ZNF195: variants seen among roughly 807,000 people sequenced by gnomAD.
ZNF195 encodes hypoxia-regulated factor-1.
A neutral mutation model predicts 19.5 loss-of-function variants in ZNF195; 11 were observed. The ratio of observed to expected loss-of-function variants is 0.57; its 90% CI spans 0.36 to 0.94. The LOEUF (loss-of-function observed/expected upper bound fraction) is 0.94, where lower values mean the gene tolerates loss of function less well. Ranked by LOEUF, ZNF195 falls within the 40% of genes least tolerant of loss-of-function variation. The probability of loss-of-function intolerance (pLI) is 0.01; values close to 1 mark genes in which losing one functional copy is unlikely to be tolerated. For missense variants in ZNF195, 582 were observed against 709.0 expected, an observed-to-expected ratio of 0.82 and a Z score of 2.03; for synonymous variants, 214 against 248.1, an observed-to-expected ratio of 0.86 and a Z score of 1.29.
intron 3 of ZNF195, among the ~76,000 whole-genome samples, chr11:3,370,764 G>A (rs1190195782): frequency 6.6e-6 from 1 of 152,202 alleles, no homozygotes; most frequent in East Asian, 1.9e-4. Context: ...CCTTTATAAA[G>A]GAAGATCACT....
At chr11:3,360,924 T>C in intron 4 of ZNF195, 136 bp from the exon 5 acceptor site, 3 of 724,434 alleles carry the variant, frequency 4.1e-6, no homozygotes, top group Non-Finnish European at 4.3e-6. Context: ...AAGCAAATAC[T>C]GGCACAAGTG....
chr11:3,359,493 C>G lies in ZNF195; in HGVS notation c.1515G>C (p.Gln505His). The G allele has an allele frequency of 6.2e-7, 1 of 1,614,166 alleles. No homozygotes were observed. The highest frequency in any genetic ancestry group is 8.5e-7 in the Non-Finnish European group (1 of 1,180,022). The change falls in exon 6 of 6, where the codon CAG becomes CAC. Residue 505 changes from glutamine to histidine, a missense_variant. Coordinates refer to ENST00000399602, the MANE Select transcript of ZNF195 (RefSeq NM_001130520.3). The surrounding 1 kb of genome is among the most constrained non-coding windows in gnomAD (Gnocchi z 5.5). Reference sequence around the variant, plus strand: ...TCTTATGCTTAGTGAGGTCTGATAACTGCTTAAAGATGTTGCCACATTCTT... The same window carrying G: ...TCTTATGCTTAGTGAGGTCTGATAAGTGCTTAAAGATGTTGCCACATTCTT... ...TCEECGNIFK[Q>H]LSDLTKHKKT... is the part of the protein sequence containing the mutation.
chr11:3,371,625 A>T lies in ZNF195; in HGVS notation c.82T>A (p.Leu28Met), dbSNP rs760948592. ...WKCLDLAQQN[L>M]YRDVMLENYR... ...TTCTCCAACATCACATCCCTGTACA[A>T]ATTCTGCTGAGCGAGGTCCAGGCAT... Residue 28 changes from leucine (L) to methionine (M), a missense_variant, in exon 2 of 6, where the codon TTG (leucine) becomes ATG (methionine). This residue lies in a region of ZNF195 where 46 missense variants were observed against 66.5 expected (regional missense o/e 0.69). Coordinates refer to ENST00000399602, the MANE Select transcript of ZNF195 (RefSeq NM_001130520.3). The T allele has an allele frequency of 3.7e-6, 6 of 1,614,096 alleles. No homozygotes were observed. The South Asian group carries it at 6.6e-5, about 18-fold the overall frequency.
intron 3 of ZNF195, chr11:3,367,008 T>G: frequency 2.2e-6 from 1 of 448,024 alleles, no homozygotes; most frequent in Non-Finnish European, 4.5e-6. Context: ...GAGGTTGCAG[T>G]GAGCTGAGAT....
chr11:3,377,196 A>G (rs1373356231), intron 1 of ZNF195, among the ~76,000 whole-genome samples: 1 of 152,224 alleles, frequency 6.6e-6, no homozygotes, highest in Non-Finnish European at 1.5e-5. Context: ...TTAAAAATCC[A>G]ACATTGCAGT....
intron 1 of ZNF195, among the ~76,000 whole-genome samples, chr11:3,376,366 A>C (rs1388353318): frequency 6.6e-6 from 1 of 152,196 alleles, no homozygotes; most frequent in Non-Finnish European, 1.5e-5. Flanking sequence ...AAGTCTCATA[A>C]TGTTTTAATA....
chr11:3,373,538 G>T, intron 1 of ZNF195: 2 of 1,479,612 alleles, frequency 1.4e-6, no homozygotes, highest in Non-Finnish European at 1.8e-6. Context: ...CATTTCAGGA[G>T]CAAAAGTGGA....
At chr11:3,362,615 C>T (rs1278993586) in intron 3 of ZNF195, 2 of 551,108 alleles carry the variant, frequency 3.6e-6, no homozygotes, top group East Asian at 5.9e-5. Flanking sequence ...ATAAGACACA[C>T]AAAAGAAAAT....
At chr11:3,371,834 C>G in intron 1 of ZNF195, 131 bp from the exon 2 acceptor site, 1 of 1,096,108 alleles carries the variant, frequency 9.1e-7, no homozygotes, top group Non-Finnish European at 1.3e-6. Flanking sequence ...AGAATACTCT[C>G]TAACTCTGAG....
chr11:3,358,985 C>T lies in ZNF195; in HGVS notation c.*133G>A. 8.5e-7 allele frequency: 1 copy of T among 1,182,012 alleles called. No homozygotes were observed. Among genetic ancestry groups the T allele is most frequent in the Non-Finnish European group, 1.1e-6 (1 of 906,672 alleles). 73.2% of individuals were successfully genotyped at this position (1,182,012 alleles called of 1,614,324 possible). ...GAAATACTCTTGTGTGCTCTGGAGA[C>T]TTATATTTCATGAAAGGTCTTTCAA... On this transcript the variant is annotated 3_prime_UTR_variant, in exon 6 of 6. Coordinates refer to ENST00000399602, the MANE Select transcript of ZNF195 (RefSeq NM_001130520.3).
chr11:3,368,425 CAG>C (rs1849014518), intron 3 of ZNF195, among the ~76,000 whole-genome samples: 1 of 152,138 alleles, frequency 6.6e-6, no homozygotes, highest in Non-Finnish European at 1.5e-5. Flanking sequence ...CTGGGTGACA[CAG>C]AGAGATCTCA....
At chr11:3,365,300 A>C (rs1848821732) in intron 3 of ZNF195, among the ~76,000 whole-genome samples, 1 of 152,240 alleles carries the variant, frequency 6.6e-6, no homozygotes. Context: ...TCAATTTAAC[A>C]GACATGCATA....
intron 3 of ZNF195, among the ~76,000 whole-genome samples, chr11:3,366,348 G>A (rs1164631816): frequency 1.3e-5 from 2 of 151,064 alleles, no homozygotes; most frequent in Non-Finnish European, 2.9e-5. Context: ...CAGAAAAACT[G>A]AACTACATCA....
chr11:3,359,588 C>T lies in ZNF195; in HGVS notation c.1420G>A (p.Val474Ile), dbSNP rs751311312. 14 of 1,614,122 alleles carry T rather than the reference C, an allele frequency of 8.7e-6. No individual in the cohort carries two copies. Among genetic ancestry groups the T allele is most frequent in the Non-Finnish European group, 1.2e-5 (14 of 1,180,032 alleles). ...KPYQCEECGK[V>I]FRTCSSLSNH... The stretch of plus-strand genomic sequence containing the variant: ...GAAAGGCTTGAGCAAGTTCTGAAGA[C>T]CTTCCCACATTCTTCACATTGGTAG... The change falls in exon 6 of 6, where the codon GTC becomes ATC. Residue 474 changes from valine to isoleucine, a missense_variant. By Grantham distance (29) the Val-to-Ile change is conservative. Coordinates refer to ENST00000399602, the MANE Select transcript of ZNF195 (RefSeq NM_001130520.3). This position sits in a 1 kb window ranked among gnomAD's most constrained non-coding sequence, Gnocchi z 5.5.
chr11:3,369,759 G>A (rs1020237943), intron 3 of ZNF195, among the ~76,000 whole-genome samples: 81 of 152,158 alleles, frequency 5.3e-4, no homozygotes, highest in Non-Finnish European at 2.2e-4. Flanking sequence ...TTGTTCAAAA[G>A]GTACAAACTT....
intron 3 of ZNF195, chr11:3,367,168 C>T (rs1848937664): frequency 3.5e-6 from 1 of 285,116 alleles, no homozygotes; most frequent in Non-Finnish European, 7.1e-6. Context: ...CAAAGCAACT[C>T]AGGACTTAGA....
intron 3 of ZNF195, among the ~76,000 whole-genome samples, chr11:3,369,723 G>A (rs1849095890): frequency 6.6e-6 from 1 of 152,210 alleles, no homozygotes; most frequent in Non-Finnish European, 1.5e-5. Context: ...CAGTTGCCAG[G>A]GCCTGGAGTT....
chr11:3,360,580 A>T lies in ZNF195; in HGVS notation c.443-15T>A. On this transcript the variant is annotated splice_polypyrimidine_tract_variant and intron_variant, in intron 5 of 5. Coordinates refer to ENST00000399602, the MANE Select transcript of ZNF195 (RefSeq NM_001130520.3). The stretch of plus-strand genomic sequence containing the variant: ...AGAAGACATAGCTGAAAAAAAAAAA[A>T]AAAGTTATCCGACTTACTAGACACA... 7 of 1,555,580 alleles carry T rather than the reference A, an allele frequency of 4.5e-6. No homozygotes were observed. The highest frequency in any genetic ancestry group is 6.1e-6 in the Non-Finnish European group (7 of 1,157,006).
intron 3 of ZNF195, among the ~76,000 whole-genome samples, chr11:3,365,776 A>G (rs1011282): frequency 0.13 from 19,647 of 152,272 alleles, 1,643 homozygotes; most frequent in East Asian, 0.42. Flanking sequence ...TAAATGATGA[A>G]ACAAAGCAGA....
Sources: gnomAD v4.1 joint callset for allele counts (sites outside exome capture counted in the v4.1 genomes callset) on GRCh38, gnomAD v4.1.1 for gene constraint, gnomAD v4.1.1 regional missense constraint, Gnocchi (gnomAD v3.1) non-coding constraint, MANE v1.5 for transcripts, NCBI Gene and HGNC (gene_info 2026-07-23, HGNC 2026-07-21) for gene names.